Variants in GFRA1 observed in about 807,000 individuals in gnomAD.
GFRA1 encodes the protein GDNF family receptor alpha 1, also known as GDNF family receptor alpha-1.
In GFRA1, 16 loss-of-function variants were observed where a neutral mutation model predicts 51.6. The observed-to-expected ratio is 0.31, with a 90% CI of 0.21 to 0.47. GFRA1 has a LOEUF of 0.47. Ranked by LOEUF, GFRA1 falls within the 20% of genes least tolerant of loss-of-function variation. The probability of loss-of-function intolerance (pLI) is 1.00; values close to 1 mark genes in which losing one functional copy is unlikely to be tolerated. For synonymous variants in GFRA1, 270 were observed against 241.3 expected, an observed-to-expected ratio of 1.12 and a Z score of -1.10; for missense variants, 530 against 594.3, an observed-to-expected ratio of 0.89 and a Z score of 1.13.
intron 5 of GFRA1, among the ~76,000 whole-genome samples, chr10:116,180,613 C>A (rs1400185334): frequency 6.6e-6 from 1 of 152,158 alleles, no homozygotes; most frequent in Non-Finnish European, 1.5e-5. Context: ...ATTATCCTAT[C>A]CTCACTTCCT....
intron 6 of GFRA1, among the ~76,000 whole-genome samples, chr10:116,114,078 G>A (rs1436835812): frequency 1.3e-5 from 2 of 152,192 alleles, no homozygotes; most frequent in African/African-American, 4.8e-5. Context: ...AACATCCAGA[G>A]GGAGGGGGCC....
intron 9 of GFRA1, among the ~76,000 whole-genome samples, chr10:116,069,126 C>T (rs1031237684): frequency 2.0e-5 from 3 of 152,232 alleles, no homozygotes; most frequent in Admixed American, 6.5e-5. Flanking sequence ...CTCAGCCAGC[C>T]GGTACCTATG....
intron 4 of GFRA1, among the ~76,000 whole-genome samples, chr10:116,243,572 A>G (rs1188142372): frequency 6.8e-6 from 1 of 148,038 alleles, no homozygotes; most frequent in African/African-American, 2.5e-5. Flanking sequence ...TTTTTTTAAG[A>G]AAAAAAAAAC....
At chr10:116,163,807 C>T (rs1472597721) in intron 5 of GFRA1, among the ~76,000 whole-genome samples, 1 of 152,204 alleles carries the variant, frequency 6.6e-6, no homozygotes, top group Non-Finnish European at 1.5e-5. Flanking sequence ...CACATATTTC[C>T]TCCCCATTGC....
chr10:116,194,533 G>C (rs150342473), intron 5 of GFRA1, among the ~76,000 whole-genome samples: 9 of 152,306 alleles, frequency 5.9e-5, no homozygotes, highest in African/African-American at 2.2e-4. Context: ...GCCAGATCGA[G>C]AGCTGGGTTT....
At chr10:116,077,670 T>C (rs544470319) in intron 9 of GFRA1, among the ~76,000 whole-genome samples, 1 of 152,328 alleles carries the variant, frequency 6.6e-6, no homozygotes, top group South Asian at 2.1e-4. Context: ...TAACAATATG[T>C]TGAACCAAAG....
intron 9 of GFRA1, among the ~76,000 whole-genome samples, chr10:116,089,215 G>C (rs1031648011): frequency 1.1e-4 from 16 of 152,228 alleles, no homozygotes; most frequent in Non-Finnish European, 2.2e-4. Context: ...TCCTCCTACT[G>C]CCAAAGAGCA....
chr10:116,163,257 G>A (rs1455816985), intron 5 of GFRA1, among the ~76,000 whole-genome samples: 1 of 152,180 alleles, frequency 6.6e-6, no homozygotes, highest in African/African-American at 2.4e-5. Context: ...GGAGGAAAAA[G>A]ACTCATGGGA....
chr10:116,080,544 T>TA (rs1244786737), intron 9 of GFRA1, among the ~76,000 whole-genome samples: 2 of 152,358 alleles, frequency 1.3e-5, no homozygotes, highest in Admixed American at 1.3e-4. Flanking sequence ...TCTCTAGAAT[T>TA]AAAATTATAT....
Position 116,270,991 on chromosome 10 carries a change from G to T in GFRA1, c.165C>A (p.Gly55=), listed in dbSNP as rs771862648. The T allele has an allele frequency of 1.2e-5, 19 of 1,614,094 alleles. No individual in the cohort carries two copies. The Admixed American group carries it at 2.7e-4, about 23-fold the overall frequency. Residue 55 remains glycine, a synonymous_variant, in exon 3 of 11, where the codon GGC becomes GGA. Transcript: ENST00000355422. ...ATGCCAGGCTGAAGTTGGTCTCCTT[G>T]CCCGCCACGCACTGCCTTAGCGTGC... ...KYRTLRQCVA[G]KETNFSLASG...
intron 5 of GFRA1, among the ~76,000 whole-genome samples, chr10:116,147,544 G>A (rs1263594402): frequency 3.8e-5 from 4 of 104,960 alleles, no homozygotes; most frequent in East Asian, 5.9e-4. Flanking sequence ...AAGTGCTAGC[G>A]CCTAGTGTGA....
rs190505212 is a variant in GFRA1, at chr10:116,140,852, C to T, written c.434-15295G>A. 2.0e-5 allele frequency among the ~76,000 whole-genome samples: 3 copies of T among 152,286 alleles called. No homozygotes were observed. In the East Asian group the frequency reaches 5.8e-4, roughly 29 times the overall value. ...GTCTTCTAAGGAAAGGAATCACAAT[C>T]ACCTGCTGAAGCTGAACACTGCAGA... On this transcript the variant is annotated intron_variant, in intron 5 of 10. Coordinates refer to ENST00000355422, the MANE Select transcript of GFRA1 (RefSeq NM_005264.8).
intron 6 of GFRA1, among the ~76,000 whole-genome samples, chr10:116,113,861 G>C (rs1957307205): frequency 6.6e-6 from 1 of 152,166 alleles, no homozygotes; most frequent in Admixed American, 6.5e-5. Flanking sequence ...AAAGAGCTCA[G>C]CCCAGGGCCT....
chr10:116,188,616 A>G (rs1003487988), intron 5 of GFRA1, among the ~76,000 whole-genome samples: 2 of 152,142 alleles, frequency 1.3e-5, no homozygotes, highest in African/African-American at 4.8e-5. Flanking sequence ...AAAATGGTCA[A>G]TGTTGGGCCG....
intron 5 of GFRA1, among the ~76,000 whole-genome samples, chr10:116,156,835 T>G (rs12775655): frequency 0.22 from 33,256 of 152,130 alleles, 3,732 homozygotes; most frequent in African/African-American, 0.28. Context: ...TCTTTAATTT[T>G]AGCTGTACCC....
At chr10:116,086,225 T>C in intron 9 of GFRA1, among the ~76,000 whole-genome samples, 1 of 152,116 alleles carries the variant, frequency 6.6e-6, no homozygotes, top group East Asian at 1.9e-4. Flanking sequence ...ACACACCTGT[T>C]AGTGTAACCT....
At chr10:116,212,675 T>A (rs1965291985) in intron 4 of GFRA1, among the ~76,000 whole-genome samples, 2 of 152,260 alleles carry the variant, frequency 1.3e-5, no homozygotes, top group Admixed American at 1.3e-4. Flanking sequence ...ACATGAATCC[T>A]TTTCTTGGCT....
intron 5 of GFRA1, among the ~76,000 whole-genome samples, chr10:116,135,944 T>C (rs1473282847): frequency 6.6e-6 from 1 of 152,224 alleles, no homozygotes; most frequent in Non-Finnish European, 1.5e-5. Flanking sequence ...CTGTTGCATC[T>C]TCAACCATGA....
chr10:116,128,300 G>C (rs778257401), intron 5 of GFRA1, among the ~76,000 whole-genome samples: 1 of 152,176 alleles, frequency 6.6e-6, no homozygotes, highest in Non-Finnish European at 1.5e-5. Flanking sequence ...CCAAGAATAA[G>C]AGCTTACAGT....
Sources: gnomAD v4.1 joint callset for allele counts (sites outside exome capture counted in the v4.1 genomes callset) on GRCh38, gnomAD v4.1.1 for gene constraint, MANE v1.5 for transcripts, NCBI Gene and HGNC (gene_info 2026-07-23, HGNC 2026-07-21) for gene names.